PASD1: variants seen among roughly 807,000 people sequenced by gnomAD.
PASD1 encodes circadian clock protein PASD1.
In PASD1, 13 loss-of-function variants were observed where a neutral mutation model predicts 58.8. The observed-to-expected ratio is 0.22, with a 90% CI of 0.14 to 0.35. The LOEUF (loss-of-function observed/expected upper bound fraction) is 0.35. Ranked by LOEUF, PASD1 falls within the 10% of genes least tolerant of loss-of-function variation. The pLI is 1.00. For missense variants in PASD1, 734 were observed against 568.3 expected, an observed-to-expected ratio of 1.29 and a Z score of -2.96; for synonymous variants, 236 against 216.7, an observed-to-expected ratio of 1.09 and a Z score of -0.78.
rs149522172 is a variant in PASD1, at chrX:151,590,847, G to A, written c.-27-10680G>A. On this transcript the variant is annotated intron_variant, in intron 1 of 15. Transcript: ENST00000370357. ...CCCGAAGTGCCGGGATTGCAGGTGT[G>A]AGCCACTGCACCCAGCCAGGACATG... is the stretch of plus-strand genomic sequence containing the variant. 2.6e-3 allele frequency among the ~76,000 whole-genome samples: 290 copies of A among 112,157 alleles called. 2 individuals carry two copies. The highest frequency in any genetic ancestry group is 0.018 in the Admixed American group (195 of 10,601).
intron 15 of PASD1, among the ~76,000 whole-genome samples, chrX:151,675,690 C>T (rs1030684019): frequency 2.7e-5 from 3 of 111,898 alleles, no homozygotes; most frequent in African/African-American, 6.5e-5. Flanking sequence ...TGGCCTTGGC[C>T]GGCCATGGCT....
chrX:151,618,958 G>C (rs1255444626), intron 4 of PASD1, among the ~76,000 whole-genome samples: 1 of 111,522 alleles, frequency 9.0e-6, no homozygotes, highest in Non-Finnish European at 1.9e-5. Context: ...TGGATAATCA[G>C]TAGAAAATTT....
chrX:151,648,777 G>T (rs754843146), intron 9 of PASD1, 75 bp downstream of exon 9: 1 of 1,089,081 alleles, frequency 9.2e-7, no homozygotes, highest in Admixed American at 2.3e-5. Flanking sequence ...GTTAATGTGT[G>T]TTACCAAGAA....
intron 1 of PASD1, among the ~76,000 whole-genome samples, chrX:151,576,107 A>G (rs2013001275): frequency 9.2e-6 from 1 of 108,645 alleles, no homozygotes; most frequent in Admixed American, 1.0e-4. Context: ...ACCTCAAGTG[A>G]TCTGCCCCCC....
rs1369729298 is a variant in PASD1, at chrX:151,611,608, C to T, written c.118-56C>T. ...ATTATCTATGCATTTAGCAATAAAA[C>T]TATCATTTTATTATTGTTCCACTAT... On this transcript the variant is annotated intron_variant, in intron 3 of 15. Coordinates refer to ENST00000370357, the MANE Select transcript of PASD1 (RefSeq NM_173493.3). 2.8e-5 allele frequency: 24 copies of T among 849,270 alleles called. No individual in the cohort carries two copies. The South Asian group carries it at 4.8e-4, about 17-fold the overall frequency. The allele number at this position is 849,270 out of a possible 1,213,427, so 70.0% of individuals were successfully genotyped here.
chrX:151,672,307 T>G lies in PASD1; in HGVS notation c.1562T>G (p.Leu521Arg), dbSNP rs1297030351. The change falls in exon 14 of 16, where the codon CTG becomes CGG. Residue 521 changes from leucine to arginine, a missense_variant. Coordinates refer to ENST00000370357, the MANE Select transcript of PASD1 (RefSeq NM_173493.3). ...KQKKMQEKKK[L>R]QEQKMQEKKK... Reference sequence around the variant, plus strand: ...AAGAAGATGCAGGAGAAGAAGAAGCTGCAGGAGCAGAAAATGCAGGAGAAG... The same window carrying G: ...AAGAAGATGCAGGAGAAGAAGAAGCGGCAGGAGCAGAAAATGCAGGAGAAG... 4 of 1,167,909 alleles carry G rather than the reference T, an allele frequency of 3.4e-6. No individual in the cohort carries two copies.
At position 151,648,606 on chromosome X, in the gene PASD1, T is replaced by C. The variant is rs755650450; in HGVS notation, c.630-9T>C. On this transcript the variant is annotated splice_polypyrimidine_tract_variant and intron_variant, in intron 8 of 15. Transcript: ENST00000370357. Reference sequence around the variant, plus strand: ...TATGCTTACCATCTCTCTTTTTTCCTATTTATAGTAGCTCTCAAGGTCAAA... The same window carrying C: ...TATGCTTACCATCTCTCTTTTTTCCCATTTATAGTAGCTCTCAAGGTCAAA... 1 of 1,205,024 alleles carries C rather than the reference T, an allele frequency of 8.3e-7. No homozygotes were observed. The highest frequency in any genetic ancestry group is 1.8e-5 in the South Asian group (1 of 56,300).
At chrX:151,605,896 T>C (rs1160390207) in intron 3 of PASD1, among the ~76,000 whole-genome samples, 1 of 112,137 alleles carries the variant, frequency 8.9e-6, no homozygotes, top group African/African-American at 3.2e-5. Context: ...CTCTCTCAAT[T>C]TTATTAGAGG....
intron 1 of PASD1, among the ~76,000 whole-genome samples, chrX:151,570,410 A>G (rs778542705): frequency 3.4e-4 from 38 of 111,933 alleles, no homozygotes; most frequent in African/African-American, 1.1e-3. Context: ...TCTCCTTTCT[A>G]TTTTGTAAAT....
intron 4 of PASD1, among the ~76,000 whole-genome samples, chrX:151,619,623 A>G (rs1210154075): frequency 4.5e-5 from 5 of 111,633 alleles, no homozygotes; most frequent in African/African-American, 1.6e-4. Flanking sequence ...GGAAGGATCA[A>G]TTGCATCAAA....
intron 9 of PASD1, among the ~76,000 whole-genome samples, chrX:151,654,504 A>G (rs1324701910): frequency 8.9e-6 from 1 of 111,784 alleles, no homozygotes; most frequent in African/African-American, 3.3e-5. Flanking sequence ...TTAAGAGATT[A>G]GGGGAAAAAA....
At chrX:151,614,200 G>T (rs1428441599) in intron 4 of PASD1, among the ~76,000 whole-genome samples, 2 of 110,795 alleles carry the variant, frequency 1.8e-5, no homozygotes, top group Non-Finnish European at 3.8e-5. Context: ...GGCCAAGCTG[G>T]TCTCGAACTC....
At chrX:151,569,275 T>G (rs1161963021) in intron 1 of PASD1, among the ~76,000 whole-genome samples, 1 of 111,822 alleles carries the variant, frequency 8.9e-6, no homozygotes, top group East Asian at 2.8e-4. Flanking sequence ...CTTTGAAACA[T>G]TCCTGGGTAT....
chrX:151,663,028 C>T (rs1439232019), intron 10 of PASD1, among the ~76,000 whole-genome samples: 1 of 111,789 alleles, frequency 8.9e-6, no homozygotes, highest in African/African-American at 3.3e-5. Flanking sequence ...TGTATTTTCG[C>T]CTAGGTTTTC....
chrX:151,613,989 CTT>C (rs374439982), intron 4 of PASD1, among the ~76,000 whole-genome samples: 1 of 102,733 alleles, frequency 9.7e-6, no homozygotes, highest in Non-Finnish European at 2.0e-5. Flanking sequence ...CGAGGGAGCT[CTT>C]TTTTTTTTTT....
intron 1 of PASD1, among the ~76,000 whole-genome samples, chrX:151,564,471 GT>G (rs1367059914): frequency 1.1e-4 from 12 of 111,134 alleles, no homozygotes; most frequent in Non-Finnish European, 7.5e-5. Context: ...ATGATGAGGA[GT>G]TTATGTCAGG....
Position 151,604,670 on chromosome X carries a change from A to G in PASD1, c.53A>G (p.Gln18Arg), listed in dbSNP as rs1187006283. Residue 18 changes from glutamine to arginine, a missense_variant, in exon 3 of 16, where the codon CAA (glutamine) becomes CGA (arginine). Transcript: ENST00000370357. Reference sequence around the variant, plus strand: ...GACAAAGTCAATCCAAAAAGCTCTCAAAGGAAATTAAACTGGATTCCATCA... The same window carrying G: ...GACAAAGTCAATCCAAAAAGCTCTCGAAGGAAATTAAACTGGATTCCATCA... ...RRDKVNPKSS[Q>R]RKLNWIPSFP... 1.7e-6 allele frequency: 2 copies of G among 1,207,332 alleles called. No individual in the cohort carries two copies. Among genetic ancestry groups the G allele is most frequent in the Admixed American group, 2.2e-5 (1 of 45,936 alleles).
intron 12 of PASD1, 141 bp from the exon 13 acceptor site, chrX:151,671,432 A>G: frequency 1.2e-6 from 1 of 827,222 alleles, no homozygotes; most frequent in Non-Finnish European, 1.7e-6. Context: ...AGGCCTTGGC[A>G]ATGGTAGATG....
intron 9 of PASD1, among the ~76,000 whole-genome samples, chrX:151,651,204 C>T (rs1263598467): frequency 4.5e-5 from 5 of 111,501 alleles, no homozygotes; most frequent in Non-Finnish European, 9.4e-5. Context: ...AAAAATTAAC[C>T]CTAATGATAT....
Sources: allele counts gnomAD v4.1 joint callset (sites outside exome capture counted in the v4.1 genomes callset), GRCh38; gene constraint gnomAD v4.1.1; transcripts MANE v1.5; gene names NCBI Gene and HGNC (gene_info 2026-07-23, HGNC 2026-07-21).